The following PLEKHG7 variants were observed in gnomAD, a reference collection of about 807,000 sequenced individuals.
PLEKHG7 encodes pleckstrin homology and RhoGEF domain containing G7, also known as pleckstrin homology domain-containing family G member 7.
A neutral mutation model predicts 85.2 loss-of-function variants in PLEKHG7; 77 were observed. The ratio of observed to expected loss-of-function variants is 0.90; its 90% CI spans 0.75 to 1.09. The LOEUF (loss-of-function observed/expected upper bound fraction) is 1.09. Ranked by LOEUF, PLEKHG7 falls within the 50% of genes least tolerant of loss-of-function variation. PLEKHG7 has a pLI of 0.00. For missense variants in PLEKHG7, 777 were observed against 804.3 expected, an observed-to-expected ratio of 0.97 and a Z score of 0.41; for synonymous variants, 301 against 302.4, an observed-to-expected ratio of 1.00 and a Z score of 0.05.
intron 7 of PLEKHG7, among the ~76,000 whole-genome samples, chr12:92,738,499 T>C (rs893550422): frequency 6.6e-6 from 1 of 152,232 alleles, no homozygotes; most frequent in Non-Finnish European, 1.5e-5. Context: ...TTGACAAATC[T>C]TTTCTGCAGA....
intron 13 of PLEKHG7, 72 bp from the exon 14 acceptor site, chr12:92,761,674 GAAAGAA>G: frequency 2.4e-6 from 3 of 1,268,124 alleles, no homozygotes; most frequent in East Asian, 3.4e-5. Flanking sequence ...AAGAAAGAAA[GAAAGAA>G]AGAAAGGGAA....
chr12:92,716,242 G>A (rs1201075779), intron 3 of PLEKHG7, among the ~76,000 whole-genome samples: 3 of 152,014 alleles, frequency 2.0e-5, no homozygotes, highest in Non-Finnish European at 2.9e-5. Context: ...GATTACAGGT[G>A]TGCACCACCA....
At chr12:92,753,208 G>C (rs193020844) in intron 10 of PLEKHG7, among the ~76,000 whole-genome samples, 1 of 152,218 alleles carries the variant, frequency 6.6e-6, no homozygotes, top group East Asian at 1.9e-4. Context: ...AGAAGAGGAA[G>C]AGAACACACA....
chr12:92,759,871 G>C (rs1872936477), intron 13 of PLEKHG7, among the ~76,000 whole-genome samples: 1 of 152,158 alleles, frequency 6.6e-6, no homozygotes, highest in Non-Finnish European at 1.5e-5. Flanking sequence ...TATAGATTCA[G>C]CCACTGGAGA....
At chr12:92,756,967 G>A (rs964131219) in intron 13 of PLEKHG7, among the ~76,000 whole-genome samples, 11 of 152,200 alleles carry the variant, frequency 7.2e-5, no homozygotes, top group African/African-American at 2.7e-4. Flanking sequence ...ACTGGAGGTG[G>A]GCTTGGAGGG....
chr12:92,741,447 C>A (rs752768840), intron 8 of PLEKHG7, 44 bp from the exon 9 acceptor site: 2 of 1,313,154 alleles, frequency 1.5e-6, no homozygotes, highest in African/African-American at 2.9e-5. Context: ...ATTCCTTAAC[C>A]CTGGGTGTGT....
chr12:92,761,679 A>AAAG lies in PLEKHG7; in HGVS notation c.1637-70_1637-68dup, dbSNP rs1210746129. ...GAAAGAAAGAAAGAAAGAAAGAAAGAAAGAAAGGGAAAGAAAAACTCTTCT... is the reference window on the plus strand; with the variant it reads ...GAAAGAAAGAAAGAAAGAAAGAAAGAAAGAAGAAAGGGAAAGAAAAACTCTTCT... On this transcript the variant is annotated intron_variant, in intron 13 of 16. Coordinates refer to ENST00000344636, the MANE Select transcript of PLEKHG7 (RefSeq NM_001377329.1). The AAAG allele has an allele frequency of 5.5e-5, 70 of 1,281,078 alleles. 1 individual carries two copies. In the South Asian group the frequency reaches 1.1e-3, roughly 19 times the overall value. The allele number at this position is 1,281,078 out of a possible 1,614,324, so 79.4% of individuals were successfully genotyped here.
chr12:92,770,096 G>A lies in PLEKHG7; in HGVS notation c.1977G>A (p.Trp659Ter). The change falls in exon 17 of 17, where the codon TGG becomes TGA. Residue 659 changes from tryptophan (W) to a stop codon, truncating the protein, a stop_gained. Coordinates refer to ENST00000344636, the MANE Select transcript of PLEKHG7 (RefSeq NM_001377329.1). LOFTEE classifies it high-confidence loss of function. ...QAQTENIKKTWMAQITTAISC... is the reference protein window; with the variant it reads ...QAQTENIKKT ...TTTCTTTTTTTCAACAGAAAACATG[G>A]ATGGCACAAATAACAACTGCAATTT... 5 of 1,588,486 alleles carry A rather than the reference G, an allele frequency of 3.1e-6. No homozygotes were observed. The highest frequency in any genetic ancestry group is 4.3e-6 in the Non-Finnish European group (5 of 1,169,816).
chr12:92,707,334 A>C, intron 2 of PLEKHG7, 196 bp downstream of exon 2: 1 of 1,429,550 alleles, frequency 7.0e-7, no homozygotes, highest in Non-Finnish European at 9.1e-7. Context: ...GGGAGGAAAG[A>C]AAATGATCTC....
intron 13 of PLEKHG7, among the ~76,000 whole-genome samples, chr12:92,758,713 G>A (rs577668510): frequency 6.6e-6 from 1 of 152,158 alleles, no homozygotes; most frequent in Non-Finnish European, 1.5e-5. Context: ...TTGTTTAATG[G>A]CATATGCTGT....
In PLEKHG7 at chr12:92,755,965, CT is replaced by C. The variant is rs764570845; in HGVS notation, c.1542+27del. On this transcript the variant is annotated intron_variant, in intron 12 of 16. Transcript: ENST00000344636. ...GGTACAAAAAAAAAATCAATTAGGA[CT>C]TATGTCCATTTCTGGAATTTGGGCA... 4 of 1,489,478 alleles carry C rather than the reference CT, an allele frequency of 2.7e-6. No homozygotes were observed. The South Asian group carries it at 4.7e-5, about 18-fold the overall frequency. The allele number at this position is 1,489,478 out of a possible 1,614,324, so 92.3% of individuals were successfully genotyped here.
At position 92,771,265 on chromosome 12, in the gene PLEKHG7, G is replaced by GT. The variant is rs2136640549; in HGVS notation, c.*1070_*1071insT. ...GTAAATTTATCAAATTTGGCTGCAA[G>GT]ACAACTGAAGCCTTAGCTGATTTTG... On this transcript the variant is annotated 3_prime_UTR_variant, in exon 17 of 17. Transcript: ENST00000344636. 1 of 152,218 alleles carries GT rather than the reference G, an allele frequency of 6.6e-6. No homozygotes were observed. Among genetic ancestry groups the GT allele is most frequent in the Non-Finnish European group, 1.5e-5 (1 of 67,972 alleles). The allele number at this position is 152,218 out of a possible 1,614,324, so 9.4% of individuals were successfully genotyped here. A position where few individuals can be genotyped will look rare whatever the true frequency, so the allele number is the denominator to read the frequency against.
chr12:92,762,977 A>G (rs947003609), intron 14 of PLEKHG7, among the ~76,000 whole-genome samples: 2 of 152,224 alleles, frequency 1.3e-5, no homozygotes, highest in Non-Finnish European at 2.9e-5. Context: ...TAAGTTACTC[A>G]GACTAGCATG....
intron 15 of PLEKHG7, among the ~76,000 whole-genome samples, chr12:92,767,278 A>G (rs547263768): frequency 6.6e-6 from 1 of 152,368 alleles, no homozygotes; most frequent in East Asian, 1.9e-4. Context: ...ATTGTATTTT[A>G]CAGGCCTAGC....
intron 10 of PLEKHG7, among the ~76,000 whole-genome samples, chr12:92,752,759 C>G (rs1872725512): frequency 6.6e-6 from 1 of 152,186 alleles, no homozygotes; most frequent in Non-Finnish European, 1.5e-5. Context: ...ATTCAGGCTG[C>G]TAGAACAACA....
chr12:92,706,781 T>C lies in PLEKHG7; in HGVS notation c.150T>C (p.Thr50=), dbSNP rs772702965. ...CAGGCCGCATCTCCACCTCGCCCAC[T>C]TTGAGGAGATTAAGGACCCGTGGCT... ...QAPGRISTSP[T]LRRLRTRGCG... Residue 50 remains threonine, a synonymous_variant, in exon 2 of 17, where the codon ACT becomes ACC. Transcript: ENST00000344636. The C allele has an allele frequency of 6.8e-6, 11 of 1,613,800 alleles. No individual in the cohort carries two copies. The African/African-American group carries it at 1.5e-4, about 22-fold the overall frequency.
rs180807244 is a variant in PLEKHG7 at position 92,714,360 on chromosome 12, T to C, written c.530+6688T>C. Among the ~76,000 whole-genome samples, 139 of 152,296 alleles carry C rather than the reference T, an allele frequency of 9.1e-4. 1 individual carries two copies. The highest frequency in any genetic ancestry group is 3.3e-3 in the African/African-American group (137 of 41,568). On this transcript the variant is annotated intron_variant, in intron 3 of 16. Coordinates refer to ENST00000344636, the MANE Select transcript of PLEKHG7 (RefSeq NM_001377329.1). ...GCATTGTCAGAATTTACAAACTCAG[T>C]GTCCCCAGCTTCATCAGCGTCCTCC...
chr12:92,734,038 C>T (rs371640582), intron 5 of PLEKHG7, among the ~76,000 whole-genome samples: 6 of 152,284 alleles, frequency 3.9e-5, no homozygotes, highest in Admixed American at 2.0e-4. Context: ...AATTAGTGGA[C>T]GTTTTCAGCA....
At chr12:92,769,309 GC>G (rs1873326999) in intron 16 of PLEKHG7, among the ~76,000 whole-genome samples, 1 of 152,042 alleles carries the variant, frequency 6.6e-6, no homozygotes, top group African/African-American at 2.4e-5. Flanking sequence ...CCTCACACTT[GC>G]GGGGTTGAGG....
Sources: allele counts gnomAD v4.1 joint callset (sites outside exome capture counted in the v4.1 genomes callset), GRCh38; gene constraint gnomAD v4.1.1; transcripts MANE v1.5; gene names NCBI Gene and HGNC (gene_info 2026-07-23, HGNC 2026-07-21).